CNNM2: variants seen among roughly 807,000 people sequenced by gnomAD.
The protein encoded by CNNM2 is metal transporter CNNM2.
Under a neutral mutation model 66.9 loss-of-function variants are expected in CNNM2, and 12 were observed. The observed-to-expected ratio is 0.18, with a 90% CI of 0.11 to 0.29. CNNM2 has a LOEUF of 0.29. Among genes scored for constraint, CNNM2 ranks in the 10% least tolerant of loss-of-function variants. CNNM2 has a pLI of 1.00. For synonymous variants in CNNM2, 557 were observed against 501.8 expected, an observed-to-expected ratio of 1.11 and a Z score of -1.47; for missense variants, 705 against 1,167.7, an observed-to-expected ratio of 0.60 and a Z score of 5.77.
chr10:103,060,432 C>A (rs1182030849), intron 4 of CNNM2, among the ~76,000 whole-genome samples: 1 of 151,902 alleles, frequency 6.6e-6, no homozygotes, highest in Non-Finnish European at 1.5e-5. Flanking sequence ...GTGGTGGCAG[C>A]TACTCAGGAG....
intron 1 of CNNM2, among the ~76,000 whole-genome samples, chr10:102,987,399 C>G (rs1267678209): frequency 6.6e-6 from 1 of 152,148 alleles, no homozygotes; most frequent in Non-Finnish European, 1.5e-5. Context: ...CGGCTCACTG[C>G]AAGCTCCGCC....
intron 1 of CNNM2, among the ~76,000 whole-genome samples, chr10:102,935,774 C>CTTTTTTTTTTTTTT (rs34196326): frequency 1.3e-5 from 1 of 77,994 alleles, no homozygotes; most frequent in Non-Finnish European, 2.4e-5. Flanking sequence ...CTGCACCTGG[C>CTTTTTTTTTTTTTT]TTTTTTTTTT....
intron 1 of CNNM2, among the ~76,000 whole-genome samples, chr10:102,984,759 A>T (rs1332447137): frequency 6.6e-6 from 1 of 152,064 alleles, no homozygotes; most frequent in Non-Finnish European, 1.5e-5. Flanking sequence ...TCCCGGGTTC[A>T]AGTGATTCTC....
intron 6 of CNNM2, 113 bp downstream of exon 6, chr10:103,071,952 C>T (rs1207842594): frequency 3.3e-6 from 3 of 912,744 alleles, no homozygotes; most frequent in African/African-American, 3.3e-5. Context: ...TTCAGTGTTC[C>T]TTGGAGCGCT....
At chr10:103,074,074 G>A (rs1403560195) in intron 6 of CNNM2, among the ~76,000 whole-genome samples, 2 of 152,018 alleles carry the variant, frequency 1.3e-5, no homozygotes, top group Non-Finnish European at 2.9e-5. Context: ...GATCACCTGA[G>A]GTCAGGAGTT....
chr10:103,063,994 C>A (rs528731682), intron 4 of CNNM2, among the ~76,000 whole-genome samples: 2 of 152,072 alleles, frequency 1.3e-5, no homozygotes, highest in African/African-American at 2.4e-5. Flanking sequence ...GAATAAGATA[C>A]GTTTACTGGA....
chr10:102,965,296 C>T lies in CNNM2; in HGVS notation c.1621+45195C>T, dbSNP rs1259963900. ...AACAATGAACAGTTTAAAATGATCT[C>T]AGTATTCTTTCTTTTTCCTCTTGAG... On this transcript the variant is annotated intron_variant, in intron 1 of 7. Coordinates refer to ENST00000369878, the MANE Select transcript of CNNM2 (RefSeq NM_017649.5). 3.3e-5 allele frequency among the ~76,000 whole-genome samples: 5 copies of T among 152,264 alleles called. No individual in the cohort carries two copies. In the East Asian group the frequency reaches 5.8e-4, roughly 18 times the overall value.
rs903433250 is a variant in CNNM2, at chr10:103,090,209, G to A, written c.*13029G>A. The stretch of plus-strand genomic sequence containing the variant: ...AGTCCTGAAACAGATCAGAATAAAG[G>A]AATGTAAAAACCACATTTTCTTTTT... On this transcript the variant is annotated 3_prime_UTR_variant, in exon 8 of 8. Transcript: ENST00000369878. 1 of 356,362 alleles carries A rather than the reference G, an allele frequency of 2.8e-6. No individual in the cohort carries two copies. The highest frequency in any genetic ancestry group is 2.1e-5 in the African/African-American group (1 of 47,856). The allele number at this position is 356,362 out of a possible 1,614,324, so 22.1% of individuals were successfully genotyped here.
chr10:102,940,108 C>T (rs1183730706), intron 1 of CNNM2, among the ~76,000 whole-genome samples: 1 of 151,986 alleles, frequency 6.6e-6, no homozygotes, highest in African/African-American at 2.4e-5. Flanking sequence ...CATTCTGTAT[C>T]TTCTTTTTTA....
intron 1 of CNNM2, among the ~76,000 whole-genome samples, chr10:102,961,778 A>G (rs1196726506): frequency 1.3e-5 from 2 of 152,106 alleles, no homozygotes; most frequent in African/African-American, 2.4e-5. Flanking sequence ...TTAAAAAAGG[A>G]GGCTGGGTGC....
intron 1 of CNNM2, among the ~76,000 whole-genome samples, chr10:103,016,274 T>G (rs1412579404): frequency 1.3e-5 from 2 of 152,178 alleles, no homozygotes; most frequent in Non-Finnish European, 2.9e-5. Flanking sequence ...GATACGGTTC[T>G]CTAGTGACAA....
chr10:102,964,860 C>T (rs2063435941), intron 1 of CNNM2, among the ~76,000 whole-genome samples: 1 of 152,072 alleles, frequency 6.6e-6, no homozygotes, highest in Non-Finnish European at 1.5e-5. Context: ...TAGTGTTAAG[C>T]GAGGGGGTTG....
intron 4 of CNNM2, among the ~76,000 whole-genome samples, chr10:103,065,349 C>T (rs946375550): frequency 4.6e-5 from 7 of 152,134 alleles, no homozygotes; most frequent in Admixed American, 3.3e-4. Context: ...TGAGAATGCC[C>T]GAGGGCCGGA....
intron 6 of CNNM2, among the ~76,000 whole-genome samples, chr10:103,074,066 T>G (rs2065647509): frequency 6.6e-6 from 1 of 151,706 alleles, no homozygotes; most frequent in Non-Finnish European, 1.5e-5. Context: ...GGCAGGTGGA[T>G]CACCTGAGGT....
At chr10:102,934,857 A>G (rs972739267) in intron 1 of CNNM2, among the ~76,000 whole-genome samples, 3 of 151,794 alleles carry the variant, frequency 2.0e-5, no homozygotes, top group African/African-American at 7.3e-5. Context: ...CTAAAAATAA[A>G]AAGTTTAAAA....
At chr10:103,001,131 A>T (rs550066769) in intron 1 of CNNM2, among the ~76,000 whole-genome samples, 1 of 152,302 alleles carries the variant, frequency 6.6e-6, no homozygotes, top group East Asian at 1.9e-4. Context: ...AACTTAGATT[A>T]GTCAAAATTA....
intron 1 of CNNM2, among the ~76,000 whole-genome samples, chr10:102,975,954 C>T (rs779963723): frequency 7.9e-5 from 12 of 152,172 alleles, no homozygotes; most frequent in Non-Finnish European, 1.5e-4. Flanking sequence ...AGTGGCACTA[C>T]GGCTTGCTTT....
chr10:103,054,018 G>C lies in CNNM2; in HGVS notation c.1766-311G>C, dbSNP rs1019491925. Reference sequence around the variant, plus strand: ...GTTGCTGTGTGCTTCTGTGGGTCTTGTGAGAGGCTCTGTCAGCATTTGCCT... The same window carrying C: ...GTTGCTGTGTGCTTCTGTGGGTCTTCTGAGAGGCTCTGTCAGCATTTGCCT... On this transcript the variant is annotated intron_variant, in intron 2 of 7. Coordinates refer to ENST00000369878, the MANE Select transcript of CNNM2 (RefSeq NM_017649.5). This position sits in a 1 kb window ranked among gnomAD's most constrained non-coding sequence, Gnocchi z 5.2. Among the ~76,000 whole-genome samples, 7 of 152,162 alleles carry C rather than the reference G, an allele frequency of 4.6e-5. No homozygotes were observed. The highest frequency in any genetic ancestry group is 7.2e-5 in the African/African-American group (3 of 41,440).
chr10:102,939,237 A>G (rs1351802522), intron 1 of CNNM2, among the ~76,000 whole-genome samples: 2 of 152,232 alleles, frequency 1.3e-5, no homozygotes, highest in Non-Finnish European at 2.9e-5. Flanking sequence ...GCTTCAGTGC[A>G]GGATCAGAGG....
Sources: allele counts gnomAD v4.1 joint callset (sites outside exome capture counted in the v4.1 genomes callset), GRCh38; gene constraint gnomAD v4.1.1; non-coding constraint Gnocchi (gnomAD v3.1); transcripts MANE v1.5; gene names NCBI Gene and HGNC (gene_info 2026-07-23, HGNC 2026-07-21).